Variants in SLC9A3 observed in about 807,000 individuals in gnomAD.
The protein encoded by SLC9A3 is sodium/hydrogen exchanger 3.
A neutral mutation model predicts 86.8 loss-of-function variants in SLC9A3; 37 were observed. The ratio of observed to expected loss-of-function variants is 0.43; its 90% CI spans 0.33 to 0.56. SLC9A3 has a LOEUF of 0.56. SLC9A3 is among the 20% of genes least tolerant of loss of function. The probability of loss-of-function intolerance (pLI) is 0.06; values close to 1 mark genes in which losing one functional copy is unlikely to be tolerated. For missense variants in SLC9A3, 1,011 were observed against 1,171.9 expected (o/e 0.86, Z 2.00); for synonymous variants, 581 against 528.3 (o/e 1.10, Z -1.37).
chr5:476,354 C>G lies in SLC9A3; in HGVS notation c.1915G>C (p.Glu639Gln). The change falls in exon 13 of 17, where the codon GAG (glutamate) becomes CAG (glutamine). Residue 639 changes from glutamate (E) to glutamine (Q), a missense_variant. By Grantham distance (29) the Glu-to-Gln change is conservative. Coordinates refer to ENST00000264938, the MANE Select transcript of SLC9A3 (RefSeq NM_004174.4). ...TTCTCGTCCTCCGTGGGCGTGAGCT[C>G]GTGTCGGCTGTACAGATGCTTGTAC... ...QEYKHLYSRH[E>Q]LTPTEDEKQD... is the part of the protein sequence containing the mutation. The G allele has an allele frequency of 6.2e-7, 1 of 1,613,862 alleles. No homozygotes were observed. Among genetic ancestry groups the G allele is most frequent in the Non-Finnish European group, 8.5e-7 (1 of 1,180,014 alleles).
At chr5:519,429 A>G (rs1465431556) in intron 1 of SLC9A3, among the ~76,000 whole-genome samples, 5 of 152,196 alleles carry the variant, frequency 3.3e-5, no homozygotes, top group Non-Finnish European at 7.4e-5. Flanking sequence ...AGCACATGCA[A>G]TAAAACCATT....
intron 2 of SLC9A3, among the ~76,000 whole-genome samples, chr5:490,927 C>T (rs138191265): frequency 2.6e-4 from 40 of 152,306 alleles, no homozygotes; most frequent in South Asian, 8.3e-4. Context: ...TGAGGCGGCC[C>T]CAACCCGGGA....
chr5:507,254 C>T (rs191969806), intron 1 of SLC9A3, among the ~76,000 whole-genome samples: 8 of 112,346 alleles, frequency 7.1e-5, no homozygotes, highest in South Asian at 3.1e-4. Context: ...CTGCAAGCTC[C>T]GCTCCCGGGT....
At position 496,550 on chromosome 5, in the gene SLC9A3, T is replaced by C. The variant is rs1436128367; in HGVS notation, c.212-4479A>G. On this transcript the variant is annotated intron_variant, in intron 1 of 16. Transcript: ENST00000264938. This position sits in a 1 kb window ranked among gnomAD's most constrained non-coding sequence, Gnocchi z 4.7. ...CTTATGTCTTCAGCGGCAGGTAGATTTTCACTTTCAAAAATGTTGCTCTCA... is the reference window on the plus strand; with the variant it reads ...CTTATGTCTTCAGCGGCAGGTAGATCTTCACTTTCAAAAATGTTGCTCTCA... 6.6e-6 allele frequency among the ~76,000 whole-genome samples: 1 copy of C among 152,234 alleles called. No individual in the cohort carries two copies. The highest frequency in any genetic ancestry group is 1.5e-5 in the Non-Finnish European group (1 of 68,046).
In SLC9A3 at chr5:471,931, G is replaced by A. The variant is rs1738378757; in HGVS notation, c.*1448C>T. 5 of 456,666 alleles carry A rather than the reference G, an allele frequency of 1.1e-5. No homozygotes were observed. Among genetic ancestry groups the A allele is most frequent in the African/African-American group, 2.0e-5 (1 of 50,192 alleles). The allele number at this position is 456,666 out of a possible 1,614,324, so 28.3% of individuals were successfully genotyped here. On this transcript the variant is annotated 3_prime_UTR_variant, in exon 17 of 17. Transcript: ENST00000264938. ...ATTCAGTCAACATAAAACTCTTTAA[G>A]AACTCCTCCTGACTGGTGACTGTCA...
intron 6 of SLC9A3, 89 bp downstream of exon 6, chr5:483,173 C>T: frequency 1.9e-6 from 2 of 1,026,800 alleles, no homozygotes; most frequent in Non-Finnish European, 2.9e-6. Flanking sequence ...GCACCTCCAT[C>T]TCCCTGGGCC....
intron 1 of SLC9A3, among the ~76,000 whole-genome samples, chr5:519,062 A>G (rs562840512): frequency 1.3e-5 from 2 of 152,302 alleles, no homozygotes; most frequent in African/African-American, 4.8e-5. Context: ...CTCCGTGGGC[A>G]GCTCCTGGAA....
intron 1 of SLC9A3, among the ~76,000 whole-genome samples, chr5:503,461 C>T (rs1740400383): frequency 6.6e-6 from 1 of 152,168 alleles, no homozygotes; most frequent in Admixed American, 6.5e-5. Context: ...TCCATTGAGC[C>T]TGGGCGGGTT....
chr5:477,217 C>T (rs1738803949), intron 11 of SLC9A3, 115 bp downstream of exon 11: 2 of 689,938 alleles, frequency 2.9e-6, no homozygotes, highest in East Asian at 5.4e-5. Flanking sequence ...CTTTCTGCAC[C>T]TCTCCCCTCT....
At chr5:514,374 G>A (rs538936325) in intron 1 of SLC9A3, among the ~76,000 whole-genome samples, 43 of 152,312 alleles carry the variant, frequency 2.8e-4, no homozygotes, top group Non-Finnish European at 5.0e-4. Flanking sequence ...CCAGCCTCCG[G>A]CCTGTGCCCT....
chr5:490,543 C>T (rs1043253848), intron 2 of SLC9A3, among the ~76,000 whole-genome samples: 3 of 152,204 alleles, frequency 2.0e-5, no homozygotes, highest in African/African-American at 7.2e-5. Flanking sequence ...GGAGTGTGCC[C>T]GGCTCTCAAA....
Position 476,366 on chromosome 5 carries a change from A to G in SLC9A3, c.1903T>C (p.Tyr635His). 6.2e-7 allele frequency: 1 copy of G among 1,613,740 alleles called. No individual in the cohort carries two copies. The highest frequency in any genetic ancestry group is 1.1e-5 in the South Asian group (1 of 91,086). ...GTGGGCGTGAGCTCGTGTCGGCTGTACAGATGCTTGTACTGCGGGATCAGG... is the reference window on the plus strand; with the variant it reads ...GTGGGCGTGAGCTCGTGTCGGCTGTGCAGATGCTTGTACTGCGGGATCAGG... ...YKPRQEYKHL[Y>H]SRHELTPTED... The change falls in exon 13 of 17, where the codon TAC becomes CAC. Residue 635 changes from tyrosine to histidine, a missense_variant. Coordinates refer to ENST00000264938, the MANE Select transcript of SLC9A3 (RefSeq NM_004174.4).
chr5:483,508 C>A (rs369206637), intron 5 of SLC9A3, 26 bp from the exon 6 acceptor site: 1 of 1,524,686 alleles, frequency 6.6e-7, no homozygotes, highest in African/African-American at 1.4e-5. Flanking sequence ...CGCCTCAGGA[C>A]ACGGCCACCT....
chr5:476,463 C>T, intron 12 of SLC9A3, 80 bp downstream of exon 12: 2 of 1,604,136 alleles, frequency 1.2e-6, no homozygotes, highest in East Asian at 2.2e-5. Context: ...CACGGATCCC[C>T]CGTGGTCCCA....
chr5:473,509 C>T (rs1738518313), intron 16 of SLC9A3, 127 bp from the exon 17 acceptor site: 2 of 792,986 alleles, frequency 2.5e-6, no homozygotes, highest in Non-Finnish European at 3.4e-6. Context: ...GCACCCCAGG[C>T]TCGGCGTCCG....
intron 1 of SLC9A3, among the ~76,000 whole-genome samples, chr5:506,505 C>T (rs1034279003): frequency 2.6e-5 from 4 of 152,214 alleles, no homozygotes; most frequent in East Asian, 1.9e-4. Context: ...CCCTGCCAAG[C>T]GGGGCACCAC....
intron 1 of SLC9A3, among the ~76,000 whole-genome samples, chr5:522,158 C>G (rs539624536): frequency 2.0e-5 from 3 of 152,210 alleles, no homozygotes; most frequent in South Asian, 4.1e-4. Context: ...CAAAGACAGC[C>G]GCTGAGTGCT....
At position 472,678 on chromosome 5, in the gene SLC9A3, C is replaced by A. The variant is rs1052337966; in HGVS notation, c.*701G>T. On this transcript the variant is annotated 3_prime_UTR_variant, in exon 17 of 17. Transcript: ENST00000264938. ...GACGGAAGACGTTCCTGCCACTTTACCTGCAGTTCAAAGACCTGGCGAGGG... is the reference window on the plus strand; with the variant it reads ...GACGGAAGACGTTCCTGCCACTTTAACTGCAGTTCAAAGACCTGGCGAGGG... The A allele has an allele frequency of 5.9e-6, 3 of 507,960 alleles. No homozygotes were observed. Among genetic ancestry groups the A allele is most frequent in the Non-Finnish European group, 1.1e-5 (3 of 261,372 alleles). The allele number at this position is 507,960 out of a possible 1,614,324, so 31.5% of individuals were successfully genotyped here. A position where few individuals can be genotyped will look rare whatever the true frequency, so the allele number is the denominator to read the frequency against.
chr5:473,293 G>A lies in SLC9A3; in HGVS notation c.*86C>T. On this transcript the variant is annotated 3_prime_UTR_variant, in exon 17 of 17. Transcript: ENST00000264938. ...GGTCGCTGTAGCCGCGCGGGGATCTGGGGTTTCTCTGGGACAGCGGCGGCG... is the reference window on the plus strand; with the variant it reads ...GGTCGCTGTAGCCGCGCGGGGATCTAGGGTTTCTCTGGGACAGCGGCGGCG... 1.5e-6 allele frequency: 2 copies of A among 1,315,024 alleles called. No homozygotes were observed. Among genetic ancestry groups the A allele is most frequent in the Non-Finnish European group, 2.0e-6 (2 of 1,021,964 alleles). 81.5% of individuals were successfully genotyped at this position (1,315,024 alleles called of 1,614,324 possible).
Sources: gnomAD v4.1 joint callset for allele counts (sites outside exome capture counted in the v4.1 genomes callset) on GRCh38, gnomAD v4.1.1 for gene constraint, Gnocchi (gnomAD v3.1) non-coding constraint, MANE v1.5 for transcripts, NCBI Gene and HGNC (gene_info 2026-07-23, HGNC 2026-07-21) for gene names.